The following TMEFF1 variants were observed in gnomAD, a reference collection of about 807,000 sequenced individuals.
TMEFF1 encodes tomoregulin-1.
TMEFF1 carries 20 observed loss-of-function variants against 47.5 expected under a neutral mutation model. The observed-to-expected ratio is 0.42, with a 90% CI of 0.30 to 0.61. The LOEUF (loss-of-function observed/expected upper bound fraction) is 0.61, where lower values mean the gene tolerates loss of function less well. TMEFF1 is among the 20% of genes least tolerant of loss of function. The probability of loss-of-function intolerance (pLI) is 0.19; values close to 1 mark genes in which losing one functional copy is unlikely to be tolerated. For missense variants in TMEFF1, 411 were observed against 471.1 expected (o/e 0.87, Z 1.18); for synonymous variants, 162 against 166.3 (o/e 0.97, Z 0.20).
In TMEFF1 at chr9:100,575,713, A is replaced by G. The variant is rs574424039; in HGVS notation, c.1059-803A>G. Among the ~76,000 whole-genome samples the G allele has an allele frequency of 1.5e-4, 23 of 152,112 alleles. No individual in the cohort carries two copies. In the South Asian group the frequency reaches 2.7e-3, roughly 18 times the overall value. ...GATTTTGGAAGCTAGTCCAACTCCT[A>G]ATTTATTTTTTACATATAGGAGAAT... On this transcript the variant is annotated intron_variant, in intron 9 of 9. Coordinates refer to ENST00000374879, the MANE Select transcript of TMEFF1 (RefSeq NM_003692.5).
At position 100,539,362 on chromosome 9, in the gene TMEFF1, C is replaced by A. The variant is rs150746085; in HGVS notation, c.561-8382C>A. Among the ~76,000 whole-genome samples, 411 of 152,314 alleles carry A rather than the reference C, an allele frequency of 2.7e-3. 4 individuals are homozygous for A. The highest frequency in any genetic ancestry group is 9.6e-3 in the African/African-American group (398 of 41,560). On this transcript the variant is annotated intron_variant, in intron 5 of 9. Transcript: ENST00000374879. ...GGTGGGTTTTTGGTCTCACCAACTT[C>A]AAGAATGAAGCTGTGGACCCTCGCG...
At chr9:100,515,636 A>G (rs1157041718) in intron 4 of TMEFF1, among the ~76,000 whole-genome samples, 1 of 152,000 alleles carries the variant, frequency 6.6e-6, no homozygotes, top group East Asian at 1.9e-4. Flanking sequence ...AAGTACAAAA[A>G]TTAGCTGGGC....
At chr9:100,572,816 T>A in intron 9 of TMEFF1, 140 bp downstream of exon 9, 2 of 1,079,448 alleles carry the variant, frequency 1.9e-6, no homozygotes, top group Non-Finnish European at 2.5e-6. Context: ...TCCCTATCCT[T>A]CTTCTTTAGG....
intron 7 of TMEFF1, among the ~76,000 whole-genome samples, chr9:100,555,549 G>A (rs777783950): frequency 7.2e-5 from 11 of 152,134 alleles, no homozygotes; most frequent in Non-Finnish European, 1.0e-4. Flanking sequence ...ATAGCTGTGC[G>A]TGTTGATTTC....
At chr9:100,480,529 CAG>C (rs1021044411) in intron 1 of TMEFF1, among the ~76,000 whole-genome samples, 26 of 152,058 alleles carry the variant, frequency 1.7e-4, no homozygotes, top group African/African-American at 5.6e-4. Flanking sequence ...ACAACTGAAA[CAG>C]AGTGGAGAAA....
intron 3 of TMEFF1, 37 bp from the exon 4 acceptor site, chr9:100,513,269 GA>G: frequency 1.3e-6 from 2 of 1,575,454 alleles, no homozygotes; most frequent in African/African-American, 1.4e-5. Flanking sequence ...AAATTTCCGG[GA>G]AAAATGTTCA....
At chr9:100,529,618 C>T (rs1372713348) in intron 5 of TMEFF1, among the ~76,000 whole-genome samples, 1 of 152,098 alleles carries the variant, frequency 6.6e-6, no homozygotes, top group African/African-American at 2.4e-5. Flanking sequence ...TACAGAGAGA[C>T]TTAGACTCCC....
chr9:100,560,315 C>T (rs1331152546), intron 7 of TMEFF1, among the ~76,000 whole-genome samples: 5 of 151,954 alleles, frequency 3.3e-5, no homozygotes, highest in Non-Finnish European at 7.4e-5. Context: ...TATGAAGTCT[C>T]AGGTTTAAGA....
intron 2 of TMEFF1, among the ~76,000 whole-genome samples, chr9:100,505,414 A>G (rs2118345264): frequency 7.0e-6 from 1 of 142,972 alleles, no homozygotes. Context: ...CTGTCTCAAA[A>G]AAAAAAAAAA....
intron 5 of TMEFF1, among the ~76,000 whole-genome samples, chr9:100,544,002 A>G (rs1448473964): frequency 6.6e-6 from 1 of 151,920 alleles, no homozygotes; most frequent in Non-Finnish European, 1.5e-5. Context: ...TTTGTTTTTC[A>G]AAGTTATGGG....
intron 1 of TMEFF1, among the ~76,000 whole-genome samples, chr9:100,497,575 A>G (rs1354648001): frequency 6.6e-6 from 1 of 152,076 alleles, no homozygotes; most frequent in East Asian, 1.9e-4. Context: ...AGGGTGAGCT[A>G]GGAGTAGGAG....
At chr9:100,571,308 C>T (rs556911447) in intron 8 of TMEFF1, among the ~76,000 whole-genome samples, 1 of 152,124 alleles carries the variant, frequency 6.6e-6, no homozygotes, top group African/African-American at 2.4e-5. Context: ...ATGTTTACCA[C>T]ATCTAATTTA....
rs1430585154 is a variant in TMEFF1 at position 100,529,126 on chromosome 9, G to A, written c.560+12355G>A. ...TGGAAAGGAACAACCGGTACCAGCC[G>A]CTGCAAAATCATGCCAAAATGTAAA... On this transcript the variant is annotated intron_variant, in intron 5 of 9. Transcript: ENST00000374879. Among the ~76,000 whole-genome samples the A allele has an allele frequency of 3.5e-3, 527 of 149,656 alleles. 2 individuals carry two copies. Among genetic ancestry groups the A allele is most frequent in the South Asian group, 0.013 (59 of 4,712 alleles).
intron 8 of TMEFF1, among the ~76,000 whole-genome samples, chr9:100,567,234 A>T (rs1238150656): frequency 6.6e-6 from 1 of 152,096 alleles, no homozygotes; most frequent in Non-Finnish European, 1.5e-5. Flanking sequence ...GGGGACTTGC[A>T]CTGGCTCTTC....
chr9:100,551,700 T>A (rs1838829545), intron 7 of TMEFF1, among the ~76,000 whole-genome samples: 1 of 152,244 alleles, frequency 6.6e-6, no homozygotes, highest in Non-Finnish European at 1.5e-5. Flanking sequence ...AAATAATTTA[T>A]TATGTACCTA....
chr9:100,479,494 C>T (rs969307360), intron 1 of TMEFF1, among the ~76,000 whole-genome samples: 9 of 152,256 alleles, frequency 5.9e-5, no homozygotes, highest in Non-Finnish European at 7.4e-5. Flanking sequence ...TCATCACCCC[C>T]AAAAGAAACC....
chr9:100,543,351 C>T (rs552037145), intron 5 of TMEFF1, among the ~76,000 whole-genome samples: 53 of 152,186 alleles, frequency 3.5e-4, no homozygotes, highest in African/African-American at 1.1e-3. Flanking sequence ...GTTAAATCTG[C>T]CCATTGCATT....
intron 8 of TMEFF1, among the ~76,000 whole-genome samples, chr9:100,563,909 G>T (rs1839070261): frequency 6.6e-6 from 1 of 152,102 alleles, no homozygotes; most frequent in Non-Finnish European, 1.5e-5. Context: ...TTTTTCTTTT[G>T]TCTGAGTCTG....
chr9:100,539,547 C>T (rs540253951), intron 5 of TMEFF1, among the ~76,000 whole-genome samples: 3 of 152,146 alleles, frequency 2.0e-5, no homozygotes, highest in Admixed American at 6.5e-5. Flanking sequence ...TTAAAGGCAG[C>T]GCGTCTGGAG....
Sources: allele counts gnomAD v4.1 joint callset (sites outside exome capture counted in the v4.1 genomes callset), GRCh38; gene constraint gnomAD v4.1.1; transcripts MANE v1.5; gene names NCBI Gene and HGNC (gene_info 2026-07-23, HGNC 2026-07-21).